RPTOR: variants seen among roughly 807,000 people sequenced by gnomAD.
RPTOR encodes the protein regulatory associated protein of MTOR complex 1, also known as regulatory-associated protein of mTOR.
A neutral mutation model predicts 169.9 loss-of-function variants in RPTOR; 21 were observed. The ratio of observed to expected loss-of-function variants is 0.12; its 90% CI spans 0.09 to 0.18. RPTOR has a LOEUF of 0.18. Among genes scored for constraint, RPTOR ranks in the 10% least tolerant of loss-of-function variants. The probability of loss-of-function intolerance (pLI) is 1.00; values close to 1 mark genes in which losing one functional copy is unlikely to be tolerated. For missense variants in RPTOR, 1,133 were observed against 1,855.9 expected, an observed-to-expected ratio of 0.61 and a Z score of 7.16; for synonymous variants, 732 against 753.2, an observed-to-expected ratio of 0.97 and a Z score of 0.46.
At chr17:80,791,359 A>C in intron 6 of RPTOR, 91 bp from the exon 7 acceptor site, 1 of 1,114,784 alleles carries the variant, frequency 9.0e-7, no homozygotes, top group South Asian at 1.4e-5. Context: ...CCCTGTCCCC[A>C]CCTTTAACTC....
In RPTOR at chr17:80,730,055, T is replaced by C. The variant is rs9902376; in HGVS notation, c.508-505T>C. ...TGATGACTTTGGCAGCCACCTGGTG[T>C]GGGCGCTACTGGAGTAAAGCAGCAT... On this transcript the variant is annotated intron_variant, in intron 4 of 33. Transcript: ENST00000306801. This position sits in a 1 kb window ranked among gnomAD's most constrained non-coding sequence, Gnocchi z 4.2. 0.99 allele frequency among the ~76,000 whole-genome samples: 150,518 copies of C among 152,368 alleles called. 74,357 individuals are homozygous for C. The highest frequency in any genetic ancestry group is 1 in the East Asian group (5,181 of 5,186).
At chr17:80,558,825 G>GT (rs531124206) in intron 1 of RPTOR, among the ~76,000 whole-genome samples, 1 of 152,246 alleles carries the variant, frequency 6.6e-6, no homozygotes, top group South Asian at 2.1e-4. Context: ...TGCCCCGCCC[G>GT]TCACCCAGGA....
intron 6 of RPTOR, among the ~76,000 whole-genome samples, chr17:80,784,299 A>C (rs2066970075): frequency 6.6e-6 from 1 of 152,028 alleles, no homozygotes; most frequent in African/African-American, 2.4e-5. Context: ...TTGGCACATT[A>C]ATTTCATGTG....
In RPTOR at chr17:80,730,658, C is replaced by T. The variant is rs751301732; in HGVS notation, c.606C>T (p.Ile202=). ...ACGACTGCTCCAATGCTGGCTTGAT[C>T]GTCAAGTCCTTCAAGCAGTTCGCAC... ...FVYDCSNAGL[I]VKSFKQFALQ... The change falls in exon 5 of 34, where the codon ATC becomes ATT. Residue 202 remains isoleucine (I), a synonymous_variant. Coordinates refer to ENST00000306801, the MANE Select transcript of RPTOR (RefSeq NM_020761.3). This position sits in a 1 kb window ranked among gnomAD's most constrained non-coding sequence, Gnocchi z 4.2. 45 of 1,612,990 alleles carry T rather than the reference C, an allele frequency of 2.8e-5. No homozygotes were observed. The highest frequency in any genetic ancestry group is 3.6e-5 in the Non-Finnish European group (43 of 1,179,582).
At chr17:80,777,161 A>G (rs1291427513) in intron 6 of RPTOR, among the ~76,000 whole-genome samples, 1 of 151,726 alleles carries the variant, frequency 6.6e-6, no homozygotes, top group Non-Finnish European at 1.5e-5. Context: ...CGCTTGAACC[A>G]GGGAGTCGGA....
intron 1 of RPTOR, among the ~76,000 whole-genome samples, chr17:80,603,317 A>G (rs2065204368): frequency 6.6e-6 from 1 of 152,144 alleles, no homozygotes; most frequent in African/African-American, 2.4e-5. Context: ...ATAAAAGGTG[A>G]TTTTTCTGGG....
At chr17:80,904,987 C>T (rs753788173) in intron 20 of RPTOR, among the ~76,000 whole-genome samples, 2 of 151,912 alleles carry the variant, frequency 1.3e-5, no homozygotes, top group Non-Finnish European at 2.9e-5. Context: ...GCACGAAGGT[C>T]GACAACAATA....
intron 7 of RPTOR, among the ~76,000 whole-genome samples, chr17:80,796,787 C>T (rs369174079): frequency 2.0e-5 from 3 of 152,222 alleles, no homozygotes; most frequent in South Asian, 2.1e-4. Flanking sequence ...TAAGAATCCA[C>T]GTCAGCACTC....
At chr17:80,891,899 C>T (rs1157478718) in intron 18 of RPTOR, 62 bp downstream of exon 18, 24 of 1,196,126 alleles carry the variant, frequency 2.0e-5, no homozygotes, top group Non-Finnish European at 2.8e-5. Context: ...GTGCAGGCCG[C>T]GGCCCAGTCT....
chr17:80,727,349 C>G (rs1453490200), intron 4 of RPTOR, among the ~76,000 whole-genome samples: 1 of 150,556 alleles, frequency 6.6e-6, no homozygotes, highest in Non-Finnish European at 1.5e-5. Context: ...ATGTCACACT[C>G]CAAGATCATG....
chr17:80,662,845 G>C (rs2065734867), intron 3 of RPTOR, among the ~76,000 whole-genome samples: 1 of 152,096 alleles, frequency 6.6e-6, no homozygotes, highest in Non-Finnish European at 1.5e-5. Context: ...GAACCAGGAG[G>C]GGACCAGTTT....
At chr17:80,855,426 T>C (rs752140633) in intron 11 of RPTOR, 38 bp from the exon 12 acceptor site, 3 of 1,511,068 alleles carry the variant, frequency 2.0e-6, no homozygotes, top group Admixed American at 1.7e-5. Context: ...CACACCAGTA[T>C]GGTTTGCAGT....
chr17:80,881,472 C>T (rs2068185451), intron 14 of RPTOR, among the ~76,000 whole-genome samples: 1 of 152,218 alleles, frequency 6.6e-6, no homozygotes, highest in Non-Finnish European at 1.5e-5. Flanking sequence ...CATGAACGGC[C>T]CCACCTCAGC....
Position 80,959,978 on chromosome 17 carries a change from A to C in RPTOR, c.3478-100A>C. On this transcript the variant is annotated intron_variant, in intron 29 of 33. Coordinates refer to ENST00000306801, the MANE Select transcript of RPTOR (RefSeq NM_020761.3). The surrounding 1 kb of genome is among the most constrained non-coding windows in gnomAD (Gnocchi z 6.7). ...CCTGCAGCCAGGGAGGGTGATCCCCACAGCCAGGCAGGCAGCAAGAGGGGT... is the reference window on the plus strand; with the variant it reads ...CCTGCAGCCAGGGAGGGTGATCCCCCCAGCCAGGCAGGCAGCAAGAGGGGT... 6.8e-7 allele frequency: 1 copy of C among 1,471,942 alleles called. No homozygotes were observed. Among genetic ancestry groups the C allele is most frequent in the East Asian group, 2.3e-5 (1 of 43,688 alleles). 91.2% of individuals were successfully genotyped at this position (1,471,942 alleles called of 1,614,324 possible). A position where few individuals can be genotyped will look rare whatever the true frequency, so the allele number is the denominator to read the frequency against.
chr17:80,720,564 T>C (rs1290059532), intron 4 of RPTOR, among the ~76,000 whole-genome samples: 1 of 152,242 alleles, frequency 6.6e-6, no homozygotes, highest in Admixed American at 6.5e-5. Flanking sequence ...GTGCTGGAAA[T>C]GTTTGGAGTA....
At position 80,659,860 on chromosome 17, in the gene RPTOR, C is replaced by G. The variant is rs190119805; in HGVS notation, c.348+16050C>G. On this transcript the variant is annotated intron_variant, in intron 3 of 33. Transcript: ENST00000306801. This position sits in a 1 kb window ranked among gnomAD's most constrained non-coding sequence, Gnocchi z 4.3. ...ATAAGGTCTTGCTCTGTTGCTCAGGCTGGTCTCAAACTCCAGGGCTTAAGC... is the reference window on the plus strand; with the variant it reads ...ATAAGGTCTTGCTCTGTTGCTCAGGGTGGTCTCAAACTCCAGGGCTTAAGC... 5.3e-5 allele frequency among the ~76,000 whole-genome samples: 8 copies of G among 152,326 alleles called. No homozygotes were observed. The highest frequency in any genetic ancestry group is 1.7e-4 in the African/African-American group (7 of 41,570).
rs893650688 is a variant in RPTOR, at chr17:80,722,946, C to G, written c.508-7614C>G. Among the ~76,000 whole-genome samples, 4 of 151,398 alleles carry G rather than the reference C, an allele frequency of 2.6e-5. 1 individual carries two copies. The highest frequency in any genetic ancestry group is 9.8e-5 in the African/African-American group (4 of 40,654). On this transcript the variant is annotated intron_variant, in intron 4 of 33. Coordinates refer to ENST00000306801, the MANE Select transcript of RPTOR (RefSeq NM_020761.3). ...GTCCTCCCAGCCTGGGATGGTTCCT[C>G]AGCTGTTCTTGTCTTTCATGACCAT...
intron 24 of RPTOR, among the ~76,000 whole-genome samples, chr17:80,934,446 T>G (rs2068932567): frequency 6.6e-6 from 1 of 152,188 alleles, no homozygotes. Flanking sequence ...GCAACCTCAA[T>G]CTCCTGGACT....
At chr17:80,893,029 G>T (rs768774571) in intron 19 of RPTOR, among the ~76,000 whole-genome samples, 160 bp downstream of exon 19, 3 of 152,234 alleles carry the variant, frequency 2.0e-5, no homozygotes, top group South Asian at 4.1e-4. Flanking sequence ...CCTTCCAGAC[G>T]TGAGCATGGC....
Sources: gnomAD v4.1 joint callset for allele counts (sites outside exome capture counted in the v4.1 genomes callset) on GRCh38, gnomAD v4.1.1 for gene constraint, Gnocchi (gnomAD v3.1) non-coding constraint, MANE v1.5 for transcripts, NCBI Gene and HGNC (gene_info 2026-07-23, HGNC 2026-07-21) for gene names.